Variants in EPC2 observed in about 807,000 individuals in gnomAD.
EPC2 encodes the protein enhancer of polycomb homolog 2.
A neutral mutation model predicts 92.1 loss-of-function variants in EPC2; 14 were observed. The observed-to-expected ratio is 0.15, with a 90% CI of 0.10 to 0.24. The LOEUF is 0.24. EPC2 is among the 10% of genes least tolerant of loss of function. The pLI is 1.00. For missense variants in EPC2, 755 were observed against 971.5 expected, an observed-to-expected ratio of 0.78 and a Z score of 2.96; for synonymous variants, 340 against 334.7, an observed-to-expected ratio of 1.02 and a Z score of -0.17.
At position 148,774,628 on chromosome 2, in the gene EPC2, A is replaced by G. The variant is rs553435037; in HGVS notation, c.1720+3241A>G. On this transcript the variant is annotated intron_variant, in intron 10 of 13. Transcript: ENST00000258484. Reference sequence around the variant, plus strand: ...ACTCAAAAAAAAAAATATATTTTATATATATATATATATGCATGTACTATT... The same window carrying G: ...ACTCAAAAAAAAAAATATATTTTATGTATATATATATATGCATGTACTATT... Among the ~76,000 whole-genome samples, 168 of 133,936 alleles carry G rather than the reference A, an allele frequency of 1.3e-3. 6 individuals carry two copies. The highest frequency in any genetic ancestry group is 1.8e-3 in the Non-Finnish European group (109 of 61,972). The allele number at this position is 133,936 out of a possible 152,430, so 87.9% of individuals were successfully genotyped here. A position where few individuals can be genotyped will look rare whatever the true frequency, so the allele number is the denominator to read the frequency against.
Position 148,743,689 on chromosome 2 carries a change from A to G in EPC2, c.381A>G (p.Arg127=). 1 of 1,605,226 alleles carries G rather than the reference A, an allele frequency of 6.2e-7. No homozygotes were observed. The highest frequency in any genetic ancestry group is 2.3e-5 in the East Asian group (1 of 44,440). ...MDSEDETLLN[R]LNRKMEIKPL... is the part of the protein sequence containing the mutation. ...CAGAAGATGAGACTTTATTAAATAG[A>G]CTTAACAGAAAGATGGAAATTAAGC... Residue 127 remains arginine (R), a synonymous_variant, in exon 3 of 14, where the codon AGA becomes AGG. Coordinates refer to ENST00000258484, the MANE Select transcript of EPC2 (RefSeq NM_015630.4).
chr2:148,765,102 A>C lies in EPC2; in HGVS notation c.1096A>C (p.Lys366Gln), dbSNP rs1405426842. Residue 366 changes from lysine (K) to glutamine (Q), a missense_variant, in exon 7 of 14, where the codon AAG (lysine) becomes CAG (glutamine). Physicochemically the swap from Lys to Gln is moderately conservative, Grantham distance 53. Around this residue, in one of 4 missense-constraint regions of EPC2, gnomAD observed 509 missense variants for 607.7 expected, o/e 0.84. Coordinates refer to ENST00000258484, the MANE Select transcript of EPC2 (RefSeq NM_015630.4). ...GCCTGTGATCAATAAGAGTGACATTAAGCAATATGATTTTCACAGCTCAGA... is the reference window on the plus strand; with the variant it reads ...GCCTGTGATCAATAAGAGTGACATTCAGCAATATGATTTTCACAGCTCAGA... ...TLPVINKSDIKQYDFHSSDED... is the reference protein window; with the variant it reads ...TLPVINKSDIQQYDFHSSDED... The C allele has an allele frequency of 1.3e-6, 2 of 1,591,554 alleles. No individual in the cohort carries two copies. Among genetic ancestry groups the C allele is most frequent in the East Asian group, 2.3e-5 (1 of 44,068 alleles).
chr2:148,733,525 T>C (rs1422223077), intron 2 of EPC2, among the ~76,000 whole-genome samples: 6 of 121,170 alleles, frequency 5.0e-5, no homozygotes, highest in Non-Finnish European at 1.6e-5. Context: ...TGATACAGGG[T>C]CTCACTCTGT....
chr2:148,723,191 G>A (rs1454406128), intron 2 of EPC2, among the ~76,000 whole-genome samples: 1 of 152,170 alleles, frequency 6.6e-6, no homozygotes, highest in Non-Finnish European at 1.5e-5. Flanking sequence ...AAGAAAAAAA[G>A]CAGGTTATAC....
At chr2:148,764,866 TA>T in intron 6 of EPC2, 88 bp from the exon 7 acceptor site, 1 of 990,670 alleles carries the variant, frequency 1.0e-6, no homozygotes, top group Non-Finnish European at 1.3e-6. Flanking sequence ...GGTAAAAATG[TA>T]TGTTTTTCAA....
At position 148,690,350 on chromosome 2, in the gene EPC2, C is replaced by T. The variant is rs775876254; in HGVS notation, c.290C>T (p.Pro97Leu). 1.3e-6 allele frequency: 2 copies of T among 1,599,206 alleles called. No homozygotes were observed. Among genetic ancestry groups the T allele is most frequent in the Non-Finnish European group, 1.7e-6 (2 of 1,175,838 alleles). Reference sequence around the variant, plus strand: ...TTGTACAAAGGAGAGTTTAAACAGCCAAAACAGTTCATTCATATTCAGCGT... The same window carrying T: ...TTGTACAAAGGAGAGTTTAAACAGCTAAAACAGTTCATTCATATTCAGCGT... Reference protein sequence around the residue: ...NRLYKGEFKQPKQFIHIQPFN... With the variant: ...NRLYKGEFKQLKQFIHIQPFN... The change falls in exon 2 of 14, where the codon CCA becomes CTA. Residue 97 changes from proline (P) to leucine (L), a missense_variant. Coordinates refer to ENST00000258484, the MANE Select transcript of EPC2 (RefSeq NM_015630.4).
At position 148,768,308 on chromosome 2, in the gene EPC2, CAT is replaced by C. The variant is rs1290647038; in HGVS notation, c.1141-840_1141-839del. The stretch of plus-strand genomic sequence containing the variant: ...ATTATGGGTGGAAATTTATCTAAAA[CAT>C]ATTATTTCCCTATCTTCAGTGTATT... On this transcript the variant is annotated intron_variant, in intron 7 of 13. Transcript: ENST00000258484. Among the ~76,000 whole-genome samples, 6 of 152,260 alleles carry C rather than the reference CAT, an allele frequency of 3.9e-5. No individual in the cohort carries two copies. The East Asian group carries it at 7.7e-4, about 20-fold the overall frequency.
intron 2 of EPC2, among the ~76,000 whole-genome samples, chr2:148,702,215 G>A (rs1264577701): frequency 6.6e-6 from 1 of 151,854 alleles, no homozygotes; most frequent in East Asian, 1.9e-4. Flanking sequence ...AGGATTTTAT[G>A]TTTTGGTAAG....
chr2:148,686,205 T>C (rs1441064777), intron 1 of EPC2, among the ~76,000 whole-genome samples: 1 of 152,238 alleles, frequency 6.6e-6, no homozygotes. Flanking sequence ...AGTTCAGCAA[T>C]GTTCACAACA....
chr2:148,692,135 T>A, intron 2 of EPC2: 1 of 228,150 alleles, frequency 4.4e-6, no homozygotes, highest in South Asian at 5.9e-5. Context: ...TCATTCACCT[T>A]CTTTCATATT....
intron 2 of EPC2, chr2:148,692,193 G>T: frequency 5.3e-6 from 1 of 189,200 alleles, no homozygotes; most frequent in Non-Finnish European, 1.1e-5. Flanking sequence ...CCTTCCTATA[G>T]CTCATTAAAG....
chr2:148,655,372 A>C (rs1680770566), intron 1 of EPC2, among the ~76,000 whole-genome samples: 1 of 152,224 alleles, frequency 6.6e-6, no homozygotes, highest in Non-Finnish European at 1.5e-5. Flanking sequence ...AAATGCATAA[A>C]ATAAGGTCAG....
At chr2:148,741,744 G>GT (rs1471376888) in intron 2 of EPC2, among the ~76,000 whole-genome samples, 1 of 152,016 alleles carries the variant, frequency 6.6e-6, no homozygotes, top group Non-Finnish European at 1.5e-5. Context: ...TGGCACTTTA[G>GT]TTTTTTTACC....
intron 2 of EPC2, among the ~76,000 whole-genome samples, chr2:148,712,128 C>G (rs933022035): frequency 7.9e-5 from 12 of 151,960 alleles, no homozygotes; most frequent in Admixed American, 5.2e-4. Flanking sequence ...ATTTGATTCC[C>G]TTGGTCTTTG....
At chr2:148,669,903 C>T (rs905261672) in intron 1 of EPC2, among the ~76,000 whole-genome samples, 1 of 151,980 alleles carries the variant, frequency 6.6e-6, no homozygotes, top group African/African-American at 2.4e-5. Flanking sequence ...CATTGTGTTC[C>T]CTCAGACTCT....
intron 2 of EPC2, among the ~76,000 whole-genome samples, chr2:148,718,539 T>C (rs1391360626): frequency 6.6e-6 from 1 of 152,216 alleles, no homozygotes; most frequent in East Asian, 1.9e-4. Context: ...GGAAATTCTT[T>C]TCTTTAAGAA....
intron 10 of EPC2, among the ~76,000 whole-genome samples, chr2:148,780,459 GGA>G (rs1266860117): frequency 6.6e-6 from 1 of 152,036 alleles, no homozygotes; most frequent in Non-Finnish European, 1.5e-5. Flanking sequence ...AGAAAACTTG[GGA>G]GAGTTAAGTA....
chr2:148,771,683 A>T (rs911566131), intron 10 of EPC2, among the ~76,000 whole-genome samples: 1 of 152,188 alleles, frequency 6.6e-6, no homozygotes, highest in Admixed American at 6.5e-5. Flanking sequence ...TCTGCTGCTT[A>T]TGTTAAAGGT....
intron 2 of EPC2, among the ~76,000 whole-genome samples, chr2:148,695,246 G>A (rs1681722453): frequency 6.6e-6 from 1 of 152,240 alleles, no homozygotes; most frequent in Non-Finnish European, 1.5e-5. Context: ...CTGACTGAAA[G>A]AAGAGTTCAG....
Sources: allele counts gnomAD v4.1 joint callset (sites outside exome capture counted in the v4.1 genomes callset), GRCh38; gene constraint gnomAD v4.1.1; regional missense constraint gnomAD v4.1.1; transcripts MANE v1.5; gene names NCBI Gene and HGNC (gene_info 2026-07-23, HGNC 2026-07-21).